The following SLC14A2 variants were observed in gnomAD, a reference collection of about 807,000 sequenced individuals.
SLC14A2 encodes the protein solute carrier family 14 member 2, also known as urea transporter 2.
A neutral mutation model predicts 104.6 loss-of-function variants in SLC14A2; 91 were observed. The observed-to-expected ratio is 0.87, with a 90% confidence interval of 0.73 to 1.04. The LOEUF (loss-of-function observed/expected upper bound fraction) is 1.04. Ranked by LOEUF, SLC14A2 falls within the 50% of genes least tolerant of loss-of-function variation. The pLI is 0.00. For synonymous variants in SLC14A2, 476 were observed against 466.4 expected (o/e 1.02, Z -0.27); for missense variants, 1,189 against 1,156.0 (o/e 1.03, Z -0.41).
chr18:45,421,463 G>GC (rs1330542337), intron 1 of SLC14A2, among the ~76,000 whole-genome samples: 2 of 152,130 alleles, frequency 1.3e-5, no homozygotes, highest in Admixed American at 1.3e-4. Flanking sequence ...GGTATGAGTG[G>GC]CATGTACCAG....
At chr18:45,556,457 G>A (rs1021259735) in intron 2 of SLC14A2, among the ~76,000 whole-genome samples, 1 of 152,094 alleles carries the variant, frequency 6.6e-6, no homozygotes, top group Middle Eastern at 3.2e-3. Context: ...CTTCCTTTAT[G>A]CCTTGTGTAG....
chr18:45,680,899 T>C (rs1189052363), intron 19 of SLC14A2, among the ~76,000 whole-genome samples: 1 of 152,198 alleles, frequency 6.6e-6, no homozygotes, highest in East Asian at 1.9e-4. Context: ...GAAGACTCGC[T>C]GAATGGAACT....
intron 2 of SLC14A2, among the ~76,000 whole-genome samples, chr18:45,604,168 CTGAG>C (rs2044831005): frequency 1.3e-5 from 2 of 152,106 alleles, no homozygotes; most frequent in South Asian, 4.1e-4. Context: ...GGTTTATTGA[CTGAG>C]TTTTGATGGC....
At chr18:45,285,676 C>CTG (rs1441627771) in intron 1 of SLC14A2, among the ~76,000 whole-genome samples, 1 of 109,848 alleles carries the variant, frequency 9.1e-6, no homozygotes, top group Admixed American at 9.1e-5. Context: ...CCCCCCCCCT[C>CTG]GGCCTCCCAA....
chr18:45,656,083 A>G (rs1004238815), intron 10 of SLC14A2, among the ~76,000 whole-genome samples: 1 of 152,200 alleles, frequency 6.6e-6, no homozygotes, highest in African/African-American at 2.4e-5. Context: ...TTAGATTGGA[A>G]TGTATGTATT....
chr18:45,373,613 C>A (rs568500647), intron 1 of SLC14A2, among the ~76,000 whole-genome samples: 2 of 152,200 alleles, frequency 1.3e-5, no homozygotes. Flanking sequence ...ATATCAGATG[C>A]TCCTGTTTCT....
intron 1 of SLC14A2, among the ~76,000 whole-genome samples, chr18:45,448,299 G>A (rs1001272754): frequency 2.0e-5 from 3 of 152,328 alleles, no homozygotes; most frequent in African/African-American, 7.2e-5. Flanking sequence ...ATTTCTGAAA[G>A]GCTGCTGAAA....
chr18:45,351,326 C>T (rs2085501287), intron 1 of SLC14A2, among the ~76,000 whole-genome samples: 1 of 152,088 alleles, frequency 6.6e-6, no homozygotes, highest in Admixed American at 6.6e-5. Flanking sequence ...CCCATGCAAG[C>T]CCTTTTCTAT....
chr18:45,332,074 A>T (rs549776453), intron 1 of SLC14A2, among the ~76,000 whole-genome samples: 120 of 152,324 alleles, frequency 7.9e-4, no homozygotes, highest in South Asian at 6.0e-3. Context: ...GTCTACTCTT[A>T]TCTCTCTTCT....
At chr18:45,238,295 G>A (rs1030238232) in intron 1 of SLC14A2, among the ~76,000 whole-genome samples, 2 of 152,174 alleles carry the variant, frequency 1.3e-5, no homozygotes, top group Admixed American at 1.3e-4. Flanking sequence ...GTGAAGGAAG[G>A]TGAATACAAG....
intron 1 of SLC14A2, among the ~76,000 whole-genome samples, chr18:45,338,053 A>T (rs903739374): frequency 7.9e-5 from 12 of 152,112 alleles, no homozygotes; most frequent in African/African-American, 2.7e-4. Context: ...ATCTTACCTC[A>T]AGCATTTCCT....
At chr18:45,340,070 C>T (rs1048123647) in intron 1 of SLC14A2, among the ~76,000 whole-genome samples, 1 of 152,202 alleles carries the variant, frequency 6.6e-6, no homozygotes, top group African/African-American at 2.4e-5. Flanking sequence ...TGGTAGGTCA[C>T]ATGTGCTATC....
chr18:45,466,166 C>T (rs926007318), intron 1 of SLC14A2, among the ~76,000 whole-genome samples: 4 of 151,948 alleles, frequency 2.6e-5, no homozygotes, highest in African/African-American at 7.3e-5. Context: ...CACAGTTGAT[C>T]GTTTTGCACT....
At chr18:45,172,745 C>T in the SLC14A2 span, among the ~76,000 whole-genome samples, 2,184 of 152,194 alleles carry the variant, frequency 0.014, 27 homozygotes, top group Middle Eastern at 0.082. Context: ...CTTCTGTGAT[C>T]CAATCCAGAC....
At chr18:45,212,206 C>A (rs192573081), upstream of SLC14A2, among the ~76,000 whole-genome samples, 3 of 152,232 alleles carry the variant, frequency 2.0e-5, no homozygotes, top group African/African-American at 7.2e-5. Flanking sequence ...ATTTTCATTT[C>A]GTATAGTGCA....
chr18:45,404,991 A>C (rs1217126881), intron 1 of SLC14A2, among the ~76,000 whole-genome samples: 1 of 152,216 alleles, frequency 6.6e-6, no homozygotes, highest in Non-Finnish European at 1.5e-5. Context: ...TCCTCAAGGC[A>C]CTTCCACATG....
chr18:45,672,066 T>C (rs1326841350), intron 16 of SLC14A2, among the ~76,000 whole-genome samples: 1 of 152,154 alleles, frequency 6.6e-6, no homozygotes, highest in East Asian at 1.9e-4. Context: ...TTAATCAAAA[T>C]AGCAGATGCT....
At chr18:45,580,210 G>A in intron 2 of SLC14A2, among the ~76,000 whole-genome samples, 1 of 152,210 alleles carries the variant, frequency 6.6e-6, no homozygotes, top group South Asian at 2.1e-4. Flanking sequence ...CTGGGACAGT[G>A]GGGACAGGAA....
intron 1 of SLC14A2, among the ~76,000 whole-genome samples, chr18:45,363,869 T>A (rs1016550367): frequency 9.2e-5 from 14 of 152,062 alleles, no homozygotes; most frequent in African/African-American, 2.9e-4. Flanking sequence ...CACTTCTCCT[T>A]TAACAGATGA....
Sources: gnomAD v4.1 joint callset for allele counts (sites outside exome capture counted in the v4.1 genomes callset) on GRCh38, gnomAD v4.1.1 for gene constraint, MANE v1.5 for transcripts, NCBI Gene and HGNC (gene_info 2026-07-23, HGNC 2026-07-21) for gene names.